The following LMNA variants were observed in gnomAD, a reference collection of about 807,000 sequenced individuals.
LMNA encodes the protein lamin A/C, also known as lamin.
A neutral mutation model predicts 70.4 loss-of-function variants in LMNA; 20 were observed. That is an observed-to-expected ratio of 0.28 (90% CI 0.20 to 0.41). The LOEUF is 0.41. Among genes scored for constraint, LMNA ranks in the 10% least tolerant of loss-of-function variants. The pLI is 1.00. For missense variants in LMNA, 652 were observed against 917.2 expected (o/e 0.71, Z 3.73); for synonymous variants, 339 against 372.8 (o/e 0.91, Z 1.04).
At position 156,139,112 on chromosome 1, in the gene LMNA, G is replaced by A. The variant is rs397517885; in HGVS notation, c.*6G>A. ...AGAACTGCAGCATCATGTAATCTGG[G>A]ACCTGCCAGGCAGGGGTGGGGGTGG... On this transcript the variant is annotated 3_prime_UTR_variant, in exon 12 of 12. Coordinates refer to ENST00000368300, the MANE Select transcript of LMNA (RefSeq NM_170707.4). 7.4e-6 allele frequency: 12 copies of A among 1,613,524 alleles called. No homozygotes were observed. In the African/African-American group the frequency reaches 1.6e-4, roughly 22 times the overall value.
Position 156,136,629 on chromosome 1 carries a change from A to T in LMNA, c.1380+193A>T. ...TTGGCTGTGAGACCTTGAGCAGGTT[A>T]TTTAACCTCTCAGAGCATCAGTTTC... On this transcript the variant is annotated intron_variant, in intron 7 of 11. Transcript: ENST00000368300. The surrounding 1 kb of genome is among the most constrained non-coding windows in gnomAD (Gnocchi z 6.1). The T allele has an allele frequency of 4.3e-6, 3 of 695,124 alleles. No individual in the cohort carries two copies. Among genetic ancestry groups the T allele is most frequent in the Non-Finnish European group, 7.6e-6 (3 of 393,618 alleles). The allele number at this position is 695,124 out of a possible 1,614,324, so 43.1% of individuals were successfully genotyped here.
upstream of LMNA, among the ~76,000 whole-genome samples, chr1:156,110,101 C>T (rs958524387): frequency 6.6e-6 from 1 of 152,062 alleles, no homozygotes; most frequent in South Asian, 2.1e-4. Context: ...CTGCCTGTCT[C>T]GGACTCCCCA....
chr1:156,106,501 C>T (rs1392505755), intron 3 of LMNA, among the ~76,000 whole-genome samples: 2 of 152,256 alleles, frequency 1.3e-5, no homozygotes, highest in African/African-American at 4.8e-5. Flanking sequence ...CACCAGCCGT[C>T]AGGCCCTCGC....
At chr1:156,119,413 GC>G (rs1650047842) in intron 1 of LMNA, among the ~76,000 whole-genome samples, 1 of 152,234 alleles carries the variant, frequency 6.6e-6, no homozygotes, top group South Asian at 2.1e-4. Context: ...ACCGTACCCG[GC>G]CACTAATTTT....
chr1:156,117,006 C>G (rs1466834922), intron 1 of LMNA, among the ~76,000 whole-genome samples: 1 of 151,962 alleles, frequency 6.6e-6, no homozygotes, highest in Non-Finnish European at 1.5e-5. Flanking sequence ...CTCTGCCTCC[C>G]AGGCTCAAAA....
At chr1:156,130,893 T>A in intron 2 of LMNA, 120 bp downstream of exon 2, 1 of 981,784 alleles carries the variant, frequency 1.0e-6, no homozygotes, top group Non-Finnish European at 1.5e-6. Flanking sequence ...TCAGAGCCAT[T>A]CACCTGTCCT....
chr1:156,136,506 C>T lies in LMNA; in HGVS notation c.1380+70C>T. ...AGAGAGTGGCAAGACAGAAGGATGG[C>T]ATGTGGAGAGAGGAACATCCTTGCC... is the stretch of plus-strand genomic sequence containing the variant. On this transcript the variant is annotated intron_variant, in intron 7 of 11. Transcript: ENST00000368300. The surrounding 1 kb of genome is among the most constrained non-coding windows in gnomAD (Gnocchi z 6.1). 1.4e-6 allele frequency: 2 copies of T among 1,430,708 alleles called. No individual in the cohort carries two copies. Among genetic ancestry groups the T allele is most frequent in the Non-Finnish European group, 1.9e-6 (2 of 1,046,876 alleles). The allele number at this position is 1,430,708 out of a possible 1,614,324, so 88.6% of individuals were successfully genotyped here.
Position 156,115,288 on chromosome 1 carries a change from G to C in LMNA, c.356+14G>C. 6.3e-7 allele frequency: 1 copy of C among 1,593,478 alleles called. No homozygotes were observed. Among genetic ancestry groups the C allele is most frequent in the Non-Finnish European group, 8.5e-7 (1 of 1,175,004 alleles). ...GCTGAAAGCGCGGTGAGTTCGCCCA[G>C]GTGGCTGCGTGCCTGGCGGGGAGTG... On this transcript the variant is annotated intron_variant, in intron 1 of 11. Coordinates refer to ENST00000368300, the MANE Select transcript of LMNA (RefSeq NM_170707.4). The surrounding 1 kb of genome is among the most constrained non-coding windows in gnomAD (Gnocchi z 5.8).
chr1:156,096,033 T>G (rs1297056295), intron 3 of LMNA, among the ~76,000 whole-genome samples: 1 of 152,152 alleles, frequency 6.6e-6, no homozygotes, highest in East Asian at 1.9e-4. Flanking sequence ...TCCCTGAGAG[T>G]GATGCTGAGT....
intron 2 of LMNA, among the ~76,000 whole-genome samples, chr1:156,085,071 G>A (rs1648428070): frequency 6.6e-6 from 1 of 152,354 alleles, no homozygotes. Context: ...GTAAGTTAAT[G>A]TCCACCCTCA....
chr1:156,138,481 T>C lies in LMNA; in HGVS notation c.1699-7T>C, dbSNP rs771074100. On this transcript the variant is annotated splice_region_variant and splice_polypyrimidine_tract_variant and intron_variant, in intron 10 of 11. Transcript: ENST00000368300. This position sits in a 1 kb window ranked among gnomAD's most constrained non-coding sequence, Gnocchi z 5.5. Reference sequence around the variant, plus strand: ...CCGTCCCGCCTGAGCCTTGTCTCCCTTCCCAGGGCTCCCACTGCAGCAGCT... The same window carrying C: ...CCGTCCCGCCTGAGCCTTGTCTCCCCTCCCAGGGCTCCCACTGCAGCAGCT... 15 of 1,611,478 alleles carry C rather than the reference T, an allele frequency of 9.3e-6. No homozygotes were observed. The highest frequency in any genetic ancestry group is 5.0e-5 in the Admixed American group (3 of 59,916).
chr1:156,101,331 A>G (rs1256601004), intron 3 of LMNA, among the ~76,000 whole-genome samples: 3 of 152,176 alleles, frequency 2.0e-5, no homozygotes, highest in African/African-American at 7.2e-5. Context: ...CTCTACAAAT[A>G]AAAATAAAAA....
chr1:156,107,447 C>G (rs144443987), intron 3 of LMNA, among the ~76,000 whole-genome samples: 1,860 of 152,356 alleles, frequency 0.012, 19 homozygotes, highest in Non-Finnish European at 0.02. Context: ...ATCTTTCCTC[C>G]TCTGGCCTCA....
intron 1 of LMNA, among the ~76,000 whole-genome samples, chr1:156,117,226 G>A (rs1284358878): frequency 1.3e-5 from 2 of 151,014 alleles, no homozygotes; most frequent in Admixed American, 6.6e-5. Flanking sequence ...TACCATGCCC[G>A]GCCATCAACC....
Position 156,135,496 on chromosome 1 carries a change from C to G in LMNA, c.936+184C>G, listed in dbSNP as rs753939456. ...GAGTCAGATGGCCTGTGTGCTGTTT[C>G]TGTACACTCTTACCTCACCTTCACT... On this transcript the variant is annotated intron_variant, in intron 5 of 11. Coordinates refer to ENST00000368300, the MANE Select transcript of LMNA (RefSeq NM_170707.4). The surrounding 1 kb of genome is among the most constrained non-coding windows in gnomAD (Gnocchi z 4.8). 5.6e-5 allele frequency: 42 copies of G among 754,022 alleles called. No homozygotes were observed. Among genetic ancestry groups the G allele is most frequent in the Non-Finnish European group, 8.7e-5 (39 of 450,148 alleles). 46.7% of individuals were successfully genotyped at this position (754,022 alleles called of 1,614,324 possible). A position where few individuals can be genotyped will look rare whatever the true frequency, so the allele number is the denominator to read the frequency against.
chr1:156,096,932 G>C (rs781312269), intron 3 of LMNA, among the ~76,000 whole-genome samples: 2 of 152,206 alleles, frequency 1.3e-5, no homozygotes, highest in Non-Finnish European at 2.9e-5. Context: ...CTGGGGCTCG[G>C]GGGCAGACTC....
chr1:156,095,412 A>T (rs1648897767), intron 3 of LMNA, among the ~76,000 whole-genome samples: 1 of 149,974 alleles, frequency 6.7e-6, no homozygotes, highest in Admixed American at 6.6e-5. Context: ...TGAATGAGTC[A>T]CTCCCCATCT....
intron 1 of LMNA, among the ~76,000 whole-genome samples, chr1:156,128,899 G>A (rs543235): frequency 0.1 from 15,795 of 152,204 alleles, 1,498 homozygotes; most frequent in African/African-American, 0.25. Flanking sequence ...CAAGGAGCTC[G>A]GAATCTAAGT....
In LMNA at chr1:156,137,991, G is replaced by A. The variant is rs1651817211; in HGVS notation, c.1698+248G>A. The A allele has an allele frequency of 1.3e-6, 1 of 746,372 alleles. No homozygotes were observed. Among genetic ancestry groups the A allele is most frequent in the Non-Finnish European group, 2.1e-6 (1 of 474,110 alleles). The allele number at this position is 746,372 out of a possible 1,614,324, so 46.2% of individuals were successfully genotyped here. A position where few individuals can be genotyped will look rare whatever the true frequency, so the allele number is the denominator to read the frequency against. On this transcript the variant is annotated intron_variant, in intron 10 of 11. Coordinates refer to ENST00000368300, the MANE Select transcript of LMNA (RefSeq NM_170707.4). This position sits in a 1 kb window ranked among gnomAD's most constrained non-coding sequence, Gnocchi z 4.6. ...TCTGATGCCATGGAATATTCCTGTG[G>A]GAGCAGTGGACAAGGGTCTGGATTT...
Sources: allele counts gnomAD v4.1 joint callset (sites outside exome capture counted in the v4.1 genomes callset), GRCh38; gene constraint gnomAD v4.1.1; non-coding constraint Gnocchi (gnomAD v3.1); transcripts MANE v1.5; gene names NCBI Gene and HGNC (gene_info 2026-07-23, HGNC 2026-07-21).